MICAL3: variants seen among roughly 807,000 people sequenced by gnomAD.
The protein encoded by MICAL3 is microtubule associated monooxygenase, calponin and LIM domain containing 3.
A neutral mutation model predicts 207.4 loss-of-function variants in MICAL3; 62 were observed. The ratio of observed to expected loss-of-function variants is 0.30; its 90% CI spans 0.24 to 0.37. The LOEUF (loss-of-function observed/expected upper bound fraction) is 0.37, where lower values mean the gene tolerates loss of function less well. Ranked by LOEUF, MICAL3 falls within the 10% of genes least tolerant of loss-of-function variation. MICAL3 has a pLI of 1.00. For synonymous variants in MICAL3, 1,077 were observed against 1,069.3 expected, an observed-to-expected ratio of 1.01 and a Z score of -0.14; for missense variants, 2,368 against 2,635.6, an observed-to-expected ratio of 0.90 and a Z score of 2.22.
intron 1 of MICAL3, among the ~76,000 whole-genome samples, chr22:18,004,086 A>G (rs1306089898): frequency 1.3e-5 from 2 of 151,368 alleles, no homozygotes; most frequent in African/African-American, 4.9e-5. Context: ...AGCCTTTCTA[A>G]TACCTCCAGA....
At chr22:17,889,267 T>A in intron 12 of MICAL3, 37 bp from the exon 13 acceptor site, 1 of 1,487,572 alleles carries the variant, frequency 6.7e-7, no homozygotes, top group South Asian at 1.2e-5. Context: ...TCAAGATAGG[T>A]TGACAGTCCT....
intron 1 of MICAL3, among the ~76,000 whole-genome samples, chr22:17,946,410 G>A (rs968339972): frequency 6.6e-6 from 1 of 152,220 alleles, no homozygotes; most frequent in Admixed American, 6.5e-5. Flanking sequence ...TGTATTCACT[G>A]CACACACACG....
chr22:17,913,990 T>A (rs1044558474), intron 1 of MICAL3, among the ~76,000 whole-genome samples: 8 of 152,076 alleles, frequency 5.3e-5, no homozygotes, highest in African/African-American at 1.9e-4. Flanking sequence ...AAAATGAAAA[T>A]CACAGGGTTT....
At chr22:17,974,723 T>TAAAAA (rs5844339) in intron 1 of MICAL3, among the ~76,000 whole-genome samples, 3 of 106,128 alleles carry the variant, frequency 2.8e-5, no homozygotes, top group Non-Finnish European at 5.8e-5. Flanking sequence ...GACTCCGTCT[T>TAAAAA]AAAAAAAAAA....
At chr22:17,991,074 G>A (rs890397949) in intron 1 of MICAL3, among the ~76,000 whole-genome samples, 7 of 152,234 alleles carry the variant, frequency 4.6e-5, no homozygotes, top group Non-Finnish European at 1.0e-4. Flanking sequence ...GGCTCCTGGC[G>A]TGCAGATGAA....
At chr22:17,863,687 G>A (rs1230604583) in intron 19 of MICAL3, 4 of 985,318 alleles carry the variant, frequency 4.1e-6, no homozygotes, top group African/African-American at 1.7e-5. Flanking sequence ...GGCTCCCAGG[G>A]CACACCGCCT....
chr22:17,791,095 G>T (rs955103901), intron 30 of MICAL3, 24 bp from the exon 31 acceptor site: 30 of 1,608,736 alleles, frequency 1.9e-5, no homozygotes, highest in Non-Finnish European at 2.5e-5. Flanking sequence ...GCAGGAGGGA[G>T]ACAAGCCACA....
In MICAL3 at chr22:17,871,876, T is replaced by C. The variant is rs752467834; in HGVS notation, c.2389A>G (p.Thr797Ala). The change falls in exon 17 of 32, where the codon ACC becomes GCC. Residue 797 changes from threonine (T) to alanine (A), a missense_variant. Thr to Ala is a moderately conservative substitution (Grantham distance 58). This residue lies in a region of MICAL3 where 1,770 missense variants were observed against 1,863.2 expected (regional missense o/e 0.95). Coordinates refer to ENST00000441493, the MANE Select transcript of MICAL3 (RefSeq NM_015241.3). ...TAGGCGTAGGCCGAGAGGCGCAGGG[T>C]GGTGGCGCAGTACTCGCACTTGAAG... ...SCFKCEYCAT[T>A]LRLSAYAYDI... 8.7e-6 allele frequency: 14 copies of C among 1,610,208 alleles called. No homozygotes were observed. Among genetic ancestry groups the C allele is most frequent in the East Asian group, 2.2e-5 (1 of 44,744 alleles).
intron 10 of MICAL3, 90 bp downstream of exon 10, chr22:17,895,194 G>C (rs557073211): frequency 7.7e-7 from 1 of 1,306,008 alleles, no homozygotes; most frequent in Admixed American, 1.9e-5. Flanking sequence ...TGTATGTGTG[G>C]TATTAATAGG....
rs1333661290 is a variant in MICAL3 at position 17,793,989 on chromosome 22, G to A, written c.5651-2688C>T. Among the ~76,000 whole-genome samples the A allele has an allele frequency of 6.6e-6, 1 of 152,186 alleles. No homozygotes were observed. Among genetic ancestry groups the A allele is most frequent in the Non-Finnish European group, 1.5e-5 (1 of 68,034 alleles). On this transcript the variant is annotated intron_variant, in intron 29 of 31. Coordinates refer to ENST00000441493, the MANE Select transcript of MICAL3 (RefSeq NM_015241.3). This position sits in a 1 kb window ranked among gnomAD's most constrained non-coding sequence, Gnocchi z 4.1. ...AAATAATACAAGAAATGGAGAAGCA[G>A]AAACAAGGGAAACAAAGTCTACAAA... is the stretch of plus-strand genomic sequence containing the variant.
In MICAL3 at chr22:17,790,638, G is replaced by A; in HGVS notation, c.*94C>T. On this transcript the variant is annotated 3_prime_UTR_variant, in exon 32 of 32. Coordinates refer to ENST00000441493, the MANE Select transcript of MICAL3 (RefSeq NM_015241.3). ...GCATCTGAGCGTAAACTCCAAGGAG[G>A]TGCCAGGCCTCCTCAGATCGCGGCT... The A allele has an allele frequency of 1.7e-6, 2 of 1,173,980 alleles. No homozygotes were observed. Among genetic ancestry groups the A allele is most frequent in the East Asian group, 5.1e-5 (2 of 38,870 alleles). 72.7% of individuals were successfully genotyped at this position (1,173,980 alleles called of 1,614,324 possible).
intron 20 of MICAL3, chr22:17,840,103 A>T (rs1164975638): frequency 1.4e-5 from 2 of 147,344 alleles, no homozygotes; most frequent in African/African-American, 5.0e-5. Context: ...ATTTTTTTTG[A>T]GATGGAGTCT....
intron 20 of MICAL3, among the ~76,000 whole-genome samples, chr22:17,836,942 G>A (rs923167807): frequency 6.6e-6 from 1 of 151,902 alleles, no homozygotes; most frequent in Non-Finnish European, 1.5e-5. Flanking sequence ...CACTGTGCCC[G>A]GCCCCTGGGT....
intron 1 of MICAL3, among the ~76,000 whole-genome samples, chr22:18,011,883 C>A (rs1240038165): frequency 1.3e-5 from 2 of 150,640 alleles, no homozygotes; most frequent in African/African-American, 4.9e-5. Flanking sequence ...CGGAGCGAGA[C>A]TCTGTCTCAA....
intron 22 of MICAL3, chr22:17,826,433 G>C (rs1185549432): frequency 6.1e-6 from 6 of 984,360 alleles, no homozygotes; most frequent in Non-Finnish European, 7.2e-6. Context: ...AGTGGGGAGA[G>C]AGTGAACATC....
At chr22:17,864,192 T>C (rs1926815998) in intron 19 of MICAL3, 1 of 993,544 alleles carries the variant, frequency 1.0e-6, no homozygotes, top group African/African-American at 1.7e-5. Flanking sequence ...ATGACAAGAA[T>C]AAATGTGTTT....
chr22:17,881,534 C>T (rs1047659885), intron 16 of MICAL3, among the ~76,000 whole-genome samples: 2 of 150,116 alleles, frequency 1.3e-5, no homozygotes, highest in Admixed American at 6.7e-5. Flanking sequence ...GGAGAACCAG[C>T]GGTGCAGCAC....
At chr22:17,896,538 C>A (rs1272619634) in intron 8 of MICAL3, among the ~76,000 whole-genome samples, 177 bp from the exon 9 acceptor site, 1 of 152,236 alleles carries the variant, frequency 6.6e-6, no homozygotes, top group Non-Finnish European at 1.5e-5. Context: ...AGAATTTCCA[C>A]TCATACTTAA....
In MICAL3 at chr22:17,819,006, C is replaced by G. The variant is rs1210749475; in HGVS notation, c.3655G>C (p.Val1219Leu). 14 of 1,608,832 alleles carry G rather than the reference C, an allele frequency of 8.7e-6. 1 individual carries two copies. In the Middle Eastern group the frequency reaches 8.3e-4, roughly 95 times the overall value. Residue 1219 changes from valine to leucine, a missense_variant, in exon 26 of 32, where the codon GTG (valine) becomes CTG (leucine). Physicochemically the swap from Val to Leu is conservative, Grantham distance 32 (BLOSUM62 1). Transcript: ENST00000441493. ...KADAPSDLKA[V>L]HSPIRSQPVT... ...GGCTGTGATCGGATGGGAGAGTGCA[C>G]AGCTTTCAGATCCGAGGGGGCATCA...
Sources: gnomAD v4.1 joint callset for allele counts (sites outside exome capture counted in the v4.1 genomes callset) on GRCh38, gnomAD v4.1.1 for gene constraint, gnomAD v4.1.1 regional missense constraint, Gnocchi (gnomAD v3.1) non-coding constraint, MANE v1.5 for transcripts, NCBI Gene and HGNC (gene_info 2026-07-23, HGNC 2026-07-21) for gene names.